The following HTR4 variants were observed in gnomAD, a reference collection of about 807,000 sequenced individuals.
HTR4 encodes the protein 5-hydroxytryptamine receptor 4.
A neutral mutation model predicts 36.8 loss-of-function variants in HTR4; 16 were observed. The ratio of observed to expected loss-of-function variants is 0.43; its 90% CI spans 0.29 to 0.66. HTR4 has a LOEUF of 0.66. Among genes scored for constraint, HTR4 ranks in the 30% least tolerant of loss-of-function variants. The pLI, the probability that HTR4 is intolerant of heterozygous loss-of-function variation, is 0.13. For synonymous variants in HTR4, 189 were observed against 185.1 expected (o/e 1.02, Z -0.17); for missense variants, 438 against 490.9 (o/e 0.89, Z 1.02).
At chr5:148,637,498 A>G (rs1446263932) in intron 1 of HTR4, among the ~76,000 whole-genome samples, 1 of 152,168 alleles carries the variant, frequency 6.6e-6, no homozygotes, top group Non-Finnish European at 1.5e-5. Flanking sequence ...GAAATCACAG[A>G]TTCTTTTGAG....
At chr5:148,489,545 G>A (rs1180638058) in intron 6 of HTR4, among the ~76,000 whole-genome samples, 1 of 152,190 alleles carries the variant, frequency 6.6e-6, no homozygotes, top group East Asian at 1.9e-4. Context: ...AGGAGAAAGT[G>A]GGGCAGGAAA....
chr5:148,495,725 C>T (rs1299892041), intron 6 of HTR4, among the ~76,000 whole-genome samples: 1 of 152,180 alleles, frequency 6.6e-6, no homozygotes, highest in Non-Finnish European at 1.5e-5. Flanking sequence ...AGGCTTAAAG[C>T]ATGACTGAAC....
intron 2 of HTR4, among the ~76,000 whole-genome samples, chr5:148,587,239 A>G (rs1040435719): frequency 6.6e-6 from 1 of 152,216 alleles, no homozygotes; most frequent in African/African-American, 2.4e-5. Context: ...TCTTGAAGAT[A>G]TTTATAGTCG....
At chr5:148,520,991 G>C in intron 5 of HTR4, 2 of 1,367,600 alleles carry the variant, frequency 1.5e-6, no homozygotes, top group Middle Eastern at 2.1e-4. Flanking sequence ...CAGGACTAAG[G>C]GCTAAGAATG....
chr5:148,478,610 G>C (rs754937646), downstream of HTR4, among the ~76,000 whole-genome samples: 1 of 152,140 alleles, frequency 6.6e-6, no homozygotes. Context: ...CCCTGGTCCA[G>C]CGATTGGGCT....
intron 2 of HTR4, among the ~76,000 whole-genome samples, chr5:148,622,504 T>C (rs141329583): frequency 1.5e-3 from 226 of 152,326 alleles, no homozygotes; most frequent in African/African-American, 5.1e-3. Context: ...ATGTCATTCT[T>C]GTCAGGCTGA....
intron 4 of HTR4, among the ~76,000 whole-genome samples, chr5:148,543,738 G>C (rs1265570665): frequency 3.9e-5 from 6 of 152,106 alleles, no homozygotes; most frequent in Non-Finnish European, 7.4e-5. Flanking sequence ...AAATCTGTGA[G>C]GATTAGAAAA....
exon 6 of HTR4, chr5:148,451,203 G>A (rs1364196874): frequency 2.0e-5 from 32 of 1,613,858 alleles, no homozygotes; most frequent in Non-Finnish European, 2.7e-5. Context: ...ATGATTCCAG[G>A]GATTCTGGGT....
At chr5:148,476,842 G>A, downstream of HTR4, 1 of 1,584,312 alleles carries the variant, frequency 6.3e-7, no homozygotes, top group African/African-American at 1.4e-5. Context: ...TTTGGGGATT[G>A]GAATAGGTCA....
chr5:148,481,506 C>A (rs1561569232), downstream of HTR4: 10 of 1,435,542 alleles, frequency 7.0e-6, no homozygotes, highest in African/African-American at 2.9e-5. Context: ...TTCTCCCCAA[C>A]AGAATTAAGT....
intron 2 of HTR4, among the ~76,000 whole-genome samples, chr5:148,619,261 A>G (rs1220032716): frequency 6.6e-6 from 1 of 152,102 alleles, no homozygotes; most frequent in Non-Finnish European, 1.5e-5. Context: ...GGGCCAGACC[A>G]TTTTTAAGGT....
At chr5:148,499,778 T>C (rs1447008030) in intron 6 of HTR4, among the ~76,000 whole-genome samples, 1 of 152,208 alleles carries the variant, frequency 6.6e-6, no homozygotes, top group African/African-American at 2.4e-5. Flanking sequence ...GGAGGCCACA[T>C]GAATGGCTTG....
chr5:148,473,439 A>AC (rs1755622140), downstream of HTR4, among the ~76,000 whole-genome samples: 1 of 152,224 alleles, frequency 6.6e-6, no homozygotes, highest in African/African-American at 2.4e-5. Flanking sequence ...AGATTGGAAA[A>AC]TAAAAAATGA....
intron 6 of HTR4, among the ~76,000 whole-genome samples, chr5:148,496,225 C>T: frequency 6.6e-6 from 1 of 152,114 alleles, no homozygotes; most frequent in East Asian, 1.9e-4. Flanking sequence ...TGGCTCTAAA[C>T]CGTTAATATG....
chr5:148,531,692 A>G (rs778028433), intron 4 of HTR4, among the ~76,000 whole-genome samples: 1 of 152,202 alleles, frequency 6.6e-6, no homozygotes, highest in Non-Finnish European at 1.5e-5. Flanking sequence ...AAGTTAAGAA[A>G]GTTTCCTCTA....
intron 4 of HTR4, among the ~76,000 whole-genome samples, chr5:148,530,199 C>T (rs189859896): frequency 6.6e-4 from 100 of 152,278 alleles, no homozygotes; most frequent in African/African-American, 2.4e-3. Flanking sequence ...GCTGCAGAAA[C>T]TTCCATAAGT....
rs148878712 is a variant in HTR4 at position 148,582,732 on chromosome 5, C to G, written c.27-32470G>C. Among the ~76,000 whole-genome samples, 1,287 of 152,172 alleles carry G rather than the reference C, an allele frequency of 8.5e-3. 18 individuals are homozygous for G. Among genetic ancestry groups the G allele is most frequent in the South Asian group, 0.057 (277 of 4,822 alleles). On this transcript the variant is annotated intron_variant, in intron 2 of 6. Transcript: ENST00000377888. ...ATGGGAGTTCACTCATGATTTGGCT[C>G]TCTGTCTGTTGTTGGTGTATAAGAA...
In HTR4 at chr5:148,482,945, C is replaced by G. The variant is rs1755957286; in HGVS notation, c.*258G>C. ...CATGTCAGAGACACCAGAGACCACG[C>G]GGCAAAAGCAGAGAATCTGGGAAGA... On this transcript the variant is annotated 3_prime_UTR_variant, in exon 7 of 7. Transcript: ENST00000377888. 1 of 1,358,682 alleles carries G rather than the reference C, an allele frequency of 7.4e-7. No individual in the cohort carries two copies. Among genetic ancestry groups the G allele is most frequent in the African/African-American group, 1.5e-5 (1 of 68,096 alleles). The allele number at this position is 1,358,682 out of a possible 1,614,324, so 84.2% of individuals were successfully genotyped here. A position where few individuals can be genotyped will look rare whatever the true frequency, so the allele number is the denominator to read the frequency against.
chr5:148,473,123 C>A (rs1345085116), downstream of HTR4, among the ~76,000 whole-genome samples: 3 of 151,414 alleles, frequency 2.0e-5, no homozygotes, highest in South Asian at 2.1e-4. Context: ...CATGGTGAAA[C>A]CCCGTCTCTA....
Sources: gnomAD v4.1 joint callset for allele counts (sites outside exome capture counted in the v4.1 genomes callset) on GRCh38, gnomAD v4.1.1 for gene constraint, MANE v1.5 for transcripts, NCBI Gene and HGNC (gene_info 2026-07-23, HGNC 2026-07-21) for gene names.